Variants in APC observed in about 807,000 individuals in gnomAD.
APC encodes APC regulator of Wnt signaling pathway.
APC carries 72 observed loss-of-function variants against 247.0 expected under a neutral mutation model. That is an observed-to-expected ratio of 0.29 (90% CI 0.24 to 0.35). The LOEUF (loss-of-function observed/expected upper bound fraction) is 0.35, where lower values mean the gene tolerates loss of function less well. APC is among the 10% of genes least tolerant of loss of function. APC has a pLI of 1.00. For missense variants in APC, 3,400 were observed against 3,360.7 expected, an observed-to-expected ratio of 1.01 and a Z score of -0.29; for synonymous variants, 1,254 against 1,162.5, an observed-to-expected ratio of 1.08 and a Z score of -1.60.
intron 9 of APC, among the ~76,000 whole-genome samples, chr5:112,817,433 C>T (rs1467137897): frequency 1.3e-5 from 2 of 152,120 alleles, no homozygotes; most frequent in Admixed American, 1.3e-4. Flanking sequence ...ATATGCCATT[C>T]ACTGTGCCAG....
chr5:112,735,911 C>T (rs543818482), upstream of APC, among the ~76,000 whole-genome samples: 1 of 152,144 alleles, frequency 6.6e-6, no homozygotes, highest in African/African-American at 2.4e-5. Flanking sequence ...AAAATTTAGA[C>T]AAACATTTTG....
chr5:112,836,165 T>TCCCCCCCCCCCCCCCCCCCCCCCCC (rs59050067), intron 15 of APC, among the ~76,000 whole-genome samples: 2 of 24,478 alleles, frequency 8.2e-5, no homozygotes, highest in African/African-American at 1.0e-4. Flanking sequence ...GGATTACAGG[T>TCCCCCCCCCCCCCCCCCCCCCCCCC]CCCCCCCCCC....
intron 1 of APC, among the ~76,000 whole-genome samples, chr5:112,717,975 C>A (rs1322592925): frequency 1.3e-5 from 1 of 75,724 alleles, no homozygotes; most frequent in African/African-American, 5.2e-5. Flanking sequence ...CTGGATATTG[C>A]TTCAGACTTA....
chr5:112,761,452 A>G (rs1280968495), intron 2 of APC, among the ~76,000 whole-genome samples: 1 of 152,218 alleles, frequency 6.6e-6, no homozygotes, highest in Non-Finnish European at 1.5e-5. Flanking sequence ...AAAGGAATCA[A>G]ATAGATATTC....
intron 4 of APC, among the ~76,000 whole-genome samples, chr5:112,770,930 C>T (rs925341319): frequency 9.2e-5 from 14 of 151,998 alleles, no homozygotes; most frequent in African/African-American, 2.9e-4. Flanking sequence ...ACTGAAGCCC[C>T]GCTGTATAAG....
At chr5:112,709,888 G>A (rs963966809) in intron 1 of APC, among the ~76,000 whole-genome samples, 7 of 152,174 alleles carry the variant, frequency 4.6e-5, no homozygotes, top group African/African-American at 7.2e-5. Context: ...CTGGGTGACA[G>A]TAAGACCCTG....
At chr5:112,828,475 C>G (rs895788571) in intron 13 of APC, among the ~76,000 whole-genome samples, 1 of 140,190 alleles carries the variant, frequency 7.1e-6, no homozygotes, top group Non-Finnish European at 1.6e-5. Flanking sequence ...AAAAAAAAAA[C>G]AGGATCTCCC....
intron 5 of APC, chr5:112,778,147 G>T: frequency 4.7e-6 from 1 of 211,756 alleles, no homozygotes; most frequent in South Asian, 9.0e-5. Context: ...TTTCCATTCT[G>T]TTTGTTTCCT....
At chr5:112,791,916 AT>A (rs1164263191) in intron 6 of APC, among the ~76,000 whole-genome samples, 5 of 152,102 alleles carry the variant, frequency 3.3e-5, no homozygotes, top group Non-Finnish European at 5.9e-5. Flanking sequence ...AGATCTAGAC[AT>A]CTGTTGAATA....
At chr5:112,799,170 C>T (rs1406632572) in intron 7 of APC, among the ~76,000 whole-genome samples, 1 of 115,486 alleles carries the variant, frequency 8.7e-6, no homozygotes, top group African/African-American at 3.6e-5. Flanking sequence ...GGTGACAGGG[C>T]GAGACTCTGT....
chr5:112,733,672 A>G (rs559390310), upstream of APC, among the ~76,000 whole-genome samples: 83 of 152,346 alleles, frequency 5.4e-4, no homozygotes, highest in African/African-American at 1.9e-3. Flanking sequence ...TCTGACCTAC[A>G]AAACTGTAAG....
chr5:112,748,682 A>G (rs1180536802), intron 1 of APC, among the ~76,000 whole-genome samples: 1 of 151,980 alleles, frequency 6.6e-6, no homozygotes, highest in Admixed American at 6.6e-5. Flanking sequence ...GCCAACAGGT[A>G]AAACCCCATC....
At chr5:112,827,358 T>C in intron 12 of APC, 111 bp downstream of exon 12, 1 of 1,225,170 alleles carries the variant, frequency 8.2e-7, no homozygotes, top group Non-Finnish European at 1.2e-6. Context: ...CATTAAACAA[T>C]GACTGATAAA....
Position 112,738,444 on chromosome 5 carries a change from G to C in APC, c.-19+519G>C, listed in dbSNP as rs1484968072. The C allele has an allele frequency of 3.0e-6, 3 of 985,798 alleles. No homozygotes were observed. In the African/African-American group the frequency reaches 5.2e-5, roughly 17 times the overall value. 61.1% of individuals were successfully genotyped at this position (985,798 alleles called of 1,614,324 possible). A position where few individuals can be genotyped will look rare whatever the true frequency, so the allele number is the denominator to read the frequency against. The stretch of plus-strand genomic sequence containing the variant: ...GTGGAAAGAGCTACTGGGGATGAGA[G>C]AAAGAGGAGGAGGCAGGTACTGCAG... On this transcript the variant is annotated intron_variant, in intron 1 of 15. Transcript: ENST00000257430.
Position 112,837,918 on chromosome 5 carries a change from A to G in APC, c.2324A>G (p.Asn775Ser), listed in dbSNP as rs1356979249. ...CAGCACTTATCAGAAACTTTTGACA[A>G]TATAGACAATTTAAGTCCCAAGGCA... Reference protein sequence around the residue: ...DAQHLSETFDNIDNLSPKASH... With the variant: ...DAQHLSETFDSIDNLSPKASH... Residue 775 changes from asparagine to serine, a missense_variant, in exon 16 of 16, where the codon AAT (asparagine) becomes AGT (serine). By Grantham distance (46) the Asn-to-Ser change is conservative. Transcript: ENST00000257430. 3 of 1,614,132 alleles carry G rather than the reference A, an allele frequency of 1.9e-6. No homozygotes were observed. The highest frequency in any genetic ancestry group is 2.5e-6 in the Non-Finnish European group (3 of 1,180,020).
rs1554088899 is a variant in APC at position 112,843,700 on chromosome 5, A to G, written c.8106A>G (p.Ala2702=). The G allele has an allele frequency of 1.2e-6, 2 of 1,614,100 alleles. No homozygotes were observed. The highest frequency in any genetic ancestry group is 1.1e-5 in the South Asian group (1 of 91,084). The change falls in exon 16 of 16, where the codon GCA becomes GCG. Residue 2702 remains alanine, a synonymous_variant. Transcript: ENST00000257430. The surrounding 1 kb of genome is among the most constrained non-coding windows in gnomAD (Gnocchi z 4.8). ...PNIKDSKDNQ[A]KQNVGNGSVP... ...TTAAAGATTCAAAAGATAATCAGGC[A>G]AAACAAAATGTGGGTAATGGCAGTG...
chr5:112,708,007 C>A, intron 1 of APC: 1 of 996,376 alleles, frequency 1.0e-6, no homozygotes, highest in Non-Finnish European at 1.3e-6. Context: ...ATGTCTCACC[C>A]TCTCCCCTCC....
rs2149961208 is a variant in APC at position 112,841,869 on chromosome 5, T to C, written c.6275T>C (p.Leu2092Pro). Residue 2092 changes from leucine to proline, a missense_variant, in exon 16 of 16, where the codon CTA (leucine) becomes CCA (proline). Physicochemically the swap from Leu to Pro is moderately conservative, Grantham distance 98 (BLOSUM62 -3). Coordinates refer to ENST00000257430, the MANE Select transcript of APC (RefSeq NM_000038.6). This position sits in a 1 kb window ranked among gnomAD's most constrained non-coding sequence, Gnocchi z 4.6. ...CAGAGACCAGATTCAGAACATGGTCTATCCCCTGATTCAGAAAATTTTGAT... is the reference window on the plus strand; with the variant it reads ...CAGAGACCAGATTCAGAACATGGTCCATCCCCTGATTCAGAAAATTTTGAT... The part of the protein sequence containing the change: ...DIQRPDSEHG[L>P]SPDSENFDWK... 6.2e-7 allele frequency: 1 copy of C among 1,614,032 alleles called. No individual in the cohort carries two copies. Among genetic ancestry groups the C allele is most frequent in the Non-Finnish European group, 8.5e-7 (1 of 1,179,926 alleles).
At position 112,842,557 on chromosome 5, in the gene APC, A is replaced by G. The variant is rs1561611578; in HGVS notation, c.6963A>G (p.Ile2321Met). ...CCCAGCAACCATTAAGTAGACCTAT[A>G]CAGTCTCCTGGCCGAAACTCAATTT... is the stretch of plus-strand genomic sequence containing the variant. ...RPAQQPLSRP[I>M]QSPGRNSISP... Residue 2321 changes from isoleucine (I) to methionine (M), a missense_variant, in exon 16 of 16, where the codon ATA (isoleucine) becomes ATG (methionine). By Grantham distance (10) the Ile-to-Met change is conservative (BLOSUM62 1). Around this residue, in one of 9 missense-constraint regions of APC, gnomAD observed 1,788 missense variants for 1,649.5 expected, o/e 1.08. Transcript: ENST00000257430. The G allele has an allele frequency of 6.2e-7, 1 of 1,613,874 alleles. No homozygotes were observed. The highest frequency in any genetic ancestry group is 8.5e-7 in the Non-Finnish European group (1 of 1,179,780).
Sources: allele counts gnomAD v4.1 joint callset (sites outside exome capture counted in the v4.1 genomes callset), GRCh38; gene constraint gnomAD v4.1.1; regional missense constraint gnomAD v4.1.1; non-coding constraint Gnocchi (gnomAD v3.1); transcripts MANE v1.5; gene names NCBI Gene and HGNC (gene_info 2026-07-23, HGNC 2026-07-21).